Variants in PLCL1 observed in about 807,000 individuals in gnomAD.
The protein encoded by PLCL1 is inactive phospholipase C-like protein 1.
PLCL1 carries 41 observed loss-of-function variants against 84.4 expected under a neutral mutation model. That is an observed-to-expected ratio of 0.49 (90% CI 0.38 to 0.63). The LOEUF is 0.63. Among genes scored for constraint, PLCL1 ranks in the 30% least tolerant of loss-of-function variants. PLCL1 has a pLI of 0.00. For synonymous variants in PLCL1, 490 were observed against 488.3 expected (o/e 1.00, Z -0.05); for missense variants, 1,206 against 1,367.8 (o/e 0.88, Z 1.87).
intron 1 of PLCL1, among the ~76,000 whole-genome samples, chr2:197,984,115 G>C (rs556871610): frequency 6.6e-6 from 1 of 152,284 alleles, no homozygotes; most frequent in African/African-American, 2.4e-5. Context: ...TGATTAGTCT[G>C]TGTAGTGATT....
At position 198,002,947 on chromosome 2, in the gene PLCL1, G is replaced by A. The variant is rs569698931; in HGVS notation, c.241-80811G>A. On this transcript the variant is annotated intron_variant, in intron 1 of 5. Transcript: ENST00000428675. ...GGGAAGCCCATATTTGCAATCATTT[G>A]TCAGGATTTCCAGCCCTCTATGTGA... Among the ~76,000 whole-genome samples, 71 of 152,178 alleles carry A rather than the reference G, an allele frequency of 4.7e-4. 1 individual carries two copies. In the South Asian group the frequency reaches 5.6e-3, roughly 12 times the overall value.
intron 3 of PLCL1, among the ~76,000 whole-genome samples, chr2:198,091,931 C>A (rs1026216525): frequency 6.6e-6 from 1 of 151,110 alleles, no homozygotes; most frequent in Non-Finnish European, 1.5e-5. Context: ...CATCTCCCAA[C>A]CTCATCCGCC....
intron 1 of PLCL1, among the ~76,000 whole-genome samples, chr2:198,018,946 C>T (rs1384470688): frequency 6.6e-6 from 1 of 152,222 alleles, no homozygotes; most frequent in Non-Finnish European, 1.5e-5. Context: ...GGAAATATCT[C>T]CCAGCAGGGG....
intron 1 of PLCL1, among the ~76,000 whole-genome samples, chr2:197,938,460 C>T (rs1372293863): frequency 6.6e-6 from 1 of 152,174 alleles, no homozygotes; most frequent in Non-Finnish European, 1.5e-5. Flanking sequence ...GTAGTATTCT[C>T]TAAATAGAGT....
chr2:198,052,645 A>G (rs1691966866), intron 1 of PLCL1, among the ~76,000 whole-genome samples: 1 of 152,174 alleles, frequency 6.6e-6, no homozygotes, highest in African/African-American at 2.4e-5. Flanking sequence ...TTTGATAAAT[A>G]TTTGTGAAAT....
intron 5 of PLCL1, among the ~76,000 whole-genome samples, chr2:198,131,012 C>T (rs913694992): frequency 3.3e-5 from 5 of 152,132 alleles, no homozygotes; most frequent in African/African-American, 1.2e-4. Flanking sequence ...GGCCTGTCTT[C>T]TCAGCTCCCC....
intron 5 of PLCL1, among the ~76,000 whole-genome samples, chr2:198,116,378 C>T (rs17792650): frequency 0.33 from 50,377 of 151,574 alleles, 9,233 homozygotes; most frequent in Middle Eastern, 0.49. Flanking sequence ...ACTCTCCATA[C>T]ATTATTGATA....
At chr2:197,885,283 A>T (rs1282780358) in intron 1 of PLCL1, among the ~76,000 whole-genome samples, 2 of 152,156 alleles carry the variant, frequency 1.3e-5, no homozygotes, top group Non-Finnish European at 2.9e-5. Context: ...CAAGCTGGAG[A>T]CCCAAGACAG....
At chr2:197,845,711 G>A (rs987404358) in intron 1 of PLCL1, among the ~76,000 whole-genome samples, 6 of 151,982 alleles carry the variant, frequency 3.9e-5, no homozygotes, top group Admixed American at 3.3e-4. Context: ...TATTTCCTAC[G>A]TATCTCCAGC....
At chr2:197,821,442 T>C (rs1253638077) in intron 1 of PLCL1, among the ~76,000 whole-genome samples, 1 of 152,206 alleles carries the variant, frequency 6.6e-6, no homozygotes, top group Admixed American at 6.5e-5. Context: ...ATTTCTTTAA[T>C]AAGCAACACT....
In PLCL1 at chr2:198,148,756, C is replaced by G. The variant is rs976772898; in HGVS notation, c.*1794C>G. 1 of 152,258 alleles carries G rather than the reference C, an allele frequency of 6.6e-6. No homozygotes were observed. Among genetic ancestry groups the G allele is most frequent in the African/African-American group, 2.4e-5 (1 of 41,428 alleles). 9.4% of individuals were successfully genotyped at this position (152,258 alleles called of 1,614,324 possible). On this transcript the variant is annotated 3_prime_UTR_variant, in exon 6 of 6. Transcript: ENST00000428675. ...CTGATTGGTTGATTTTACTAGTGTA[C>G]CTCTTCATCTACTTGAATTCTATTT...
At chr2:198,107,299 A>T (rs139313610) in intron 5 of PLCL1, among the ~76,000 whole-genome samples, 3 of 151,856 alleles carry the variant, frequency 2.0e-5, no homozygotes, top group Non-Finnish European at 4.4e-5. Flanking sequence ...GGTCCCTCCT[A>T]CAACACGTGG....
chr2:197,982,411 A>G (rs1353492172), intron 1 of PLCL1, among the ~76,000 whole-genome samples: 2 of 152,144 alleles, frequency 1.3e-5, no homozygotes, highest in African/African-American at 4.8e-5. Context: ...AGTGGTAGAG[A>G]AAGCCATACT....
intron 1 of PLCL1, among the ~76,000 whole-genome samples, chr2:197,950,056 CA>C (rs1689358599): frequency 6.6e-6 from 1 of 152,090 alleles, no homozygotes; most frequent in African/African-American, 2.4e-5. Flanking sequence ...CAGAAGACTC[CA>C]AATCCAGGTC....
chr2:198,102,366 C>T (rs535774026), intron 4 of PLCL1, among the ~76,000 whole-genome samples: 6 of 152,118 alleles, frequency 3.9e-5, no homozygotes, highest in East Asian at 1.9e-4. Context: ...AGGGTCTTTC[C>T]GAGACTCACA....
chr2:197,972,033 C>T (rs1024079731), intron 1 of PLCL1, among the ~76,000 whole-genome samples: 2 of 152,194 alleles, frequency 1.3e-5, no homozygotes, highest in Non-Finnish European at 2.9e-5. Flanking sequence ...CTAGTATCCT[C>T]CTCCCTGGGT....
chr2:197,977,579 G>T (rs926102283), intron 1 of PLCL1, among the ~76,000 whole-genome samples: 1 of 151,968 alleles, frequency 6.6e-6, no homozygotes, highest in Admixed American at 6.6e-5. Flanking sequence ...TTCCATATCT[G>T]TTCCTATTGC....
intron 1 of PLCL1, among the ~76,000 whole-genome samples, chr2:197,891,892 A>T (rs534343820): frequency 4.5e-4 from 69 of 152,214 alleles, no homozygotes; most frequent in South Asian, 2.7e-3. Context: ...AAGCTCCTAA[A>T]TGATGTTGAG....
intron 1 of PLCL1, among the ~76,000 whole-genome samples, chr2:197,863,223 CT>C (rs1265819801): frequency 6.9e-6 from 1 of 144,462 alleles, no homozygotes; most frequent in African/African-American, 2.6e-5. Context: ...TAATAATGTT[CT>C]GATTTTACAG....
Sources: gnomAD v4.1 joint callset for allele counts (sites outside exome capture counted in the v4.1 genomes callset) on GRCh38, gnomAD v4.1.1 for gene constraint, MANE v1.5 for transcripts, NCBI Gene and HGNC (gene_info 2026-07-23, HGNC 2026-07-21) for gene names.